Variants in PRKG1 observed in about 807,000 individuals in gnomAD.
PRKG1 encodes protein kinase cGMP-dependent 1.
Under a neutral mutation model 88.1 loss-of-function variants are expected in PRKG1, and 35 were observed. That is an observed-to-expected ratio of 0.40 (90% CI 0.30 to 0.53). The LOEUF (loss-of-function observed/expected upper bound fraction) is 0.53, where lower values mean the gene tolerates loss of function less well. Ranked by LOEUF, PRKG1 falls within the 20% of genes least tolerant of loss-of-function variation. The pLI, the probability that PRKG1 is intolerant of heterozygous loss-of-function variation, is 0.59. For missense variants in PRKG1, 540 were observed against 839.8 expected, an observed-to-expected ratio of 0.64 and a Z score of 4.41; for synonymous variants, 303 against 292.5, an observed-to-expected ratio of 1.04 and a Z score of -0.37.
intron 10 of PRKG1, among the ~76,000 whole-genome samples, chr10:52,266,204 ATT>A (rs1211469619): frequency 6.7e-6 from 1 of 149,792 alleles, no homozygotes; most frequent in Non-Finnish European, 1.5e-5. Flanking sequence ...TATTATTATT[ATT>A]ATTATTGTAA....
At chr10:51,281,671 T>G (rs1397702717) in intron 2 of PRKG1, among the ~76,000 whole-genome samples, 1 of 152,188 alleles carries the variant, frequency 6.6e-6, no homozygotes, top group Non-Finnish European at 1.5e-5. Flanking sequence ...TCTGCAGACT[T>G]AAGTGTCCCT....
chr10:51,488,904 T>G (rs1019477901), intron 3 of PRKG1, among the ~76,000 whole-genome samples: 4 of 152,132 alleles, frequency 2.6e-5, no homozygotes, highest in African/African-American at 9.7e-5. Flanking sequence ...CTACAATCTC[T>G]TGTTTCCATC....
intron 1 of PRKG1, among the ~76,000 whole-genome samples, chr10:51,038,204 T>C (rs1396534527): frequency 6.6e-6 from 1 of 152,248 alleles, no homozygotes; most frequent in Admixed American, 6.5e-5. Context: ...GGATACATAG[T>C]TGGTGTATAA....
At chr10:51,828,213 A>C (rs1200572203) in intron 4 of PRKG1, among the ~76,000 whole-genome samples, 1 of 152,164 alleles carries the variant, frequency 6.6e-6, no homozygotes, top group Non-Finnish European at 1.5e-5. Flanking sequence ...ATAGTTTAGA[A>C]TTTTAGATTG....
chr10:51,782,074 T>G (rs867092307), intron 3 of PRKG1, among the ~76,000 whole-genome samples: 5 of 152,042 alleles, frequency 3.3e-5, no homozygotes, highest in Non-Finnish European at 5.9e-5. Context: ...AGATGAAGAA[T>G]TCTATTAAAT....
intron 3 of PRKG1, among the ~76,000 whole-genome samples, chr10:51,707,626 C>G (rs1476085816): frequency 1.3e-5 from 2 of 151,940 alleles, no homozygotes; most frequent in East Asian, 1.9e-4. Flanking sequence ...AATACAACAC[C>G]TCACTTCAGA....
At chr10:51,866,217 A>G (rs1297021109) in intron 4 of PRKG1, among the ~76,000 whole-genome samples, 1 of 152,070 alleles carries the variant, frequency 6.6e-6, no homozygotes, top group Admixed American at 6.5e-5. Context: ...ATTCATTTAA[A>G]TATGAAGTAA....
intron 7 of PRKG1, among the ~76,000 whole-genome samples, chr10:52,127,295 G>A (rs1388551227): frequency 1.3e-5 from 2 of 152,178 alleles, no homozygotes; most frequent in African/African-American, 2.4e-5. Context: ...TTGAGGTTAG[G>A]AGAAAATGAG....
chr10:51,221,424 A>G (rs1261651805), intron 2 of PRKG1, among the ~76,000 whole-genome samples: 2 of 152,110 alleles, frequency 1.3e-5, no homozygotes, highest in African/African-American at 4.8e-5. Context: ...AATTAAAATG[A>G]TAAGTTTCTA....
rs139311651 is a variant in PRKG1, at chr10:51,469,441, T to C, written c.592+1605T>C. 1.9e-3 allele frequency among the ~76,000 whole-genome samples: 292 copies of C among 151,986 alleles called. 3 individuals carry two copies. The highest frequency in any genetic ancestry group is 3.2e-3 in the Non-Finnish European group (216 of 67,808). On this transcript the variant is annotated intron_variant, in intron 3 of 17. Transcript: ENST00000373980. Reference sequence around the variant, plus strand: ...TTAATCTTATGAAACATGGAATTTTTATTAAAGAAATATTTTAAGTAGTTT... The same window carrying C: ...TTAATCTTATGAAACATGGAATTTTCATTAAAGAAATATTTTAAGTAGTTT...
intron 3 of PRKG1, among the ~76,000 whole-genome samples, chr10:51,690,474 T>C (rs1331233875): frequency 6.6e-6 from 1 of 152,206 alleles, no homozygotes; most frequent in Non-Finnish European, 1.5e-5. Context: ...ACTGTGCCTG[T>C]TATATGAAAG....
At chr10:51,879,670 A>G (rs1483877156) in intron 4 of PRKG1, among the ~76,000 whole-genome samples, 5 of 152,162 alleles carry the variant, frequency 3.3e-5, no homozygotes, top group Non-Finnish European at 7.3e-5. Context: ...CAAAAATCCT[A>G]TGTGTAGATT....
At chr10:52,159,767 AT>A (rs1312487655) in intron 8 of PRKG1, among the ~76,000 whole-genome samples, 2 of 151,782 alleles carry the variant, frequency 1.3e-5, no homozygotes, top group African/African-American at 4.8e-5. Context: ...GGAAGACAGG[AT>A]TTTTTTAAAA....
chr10:52,172,564 A>T (rs755800391), intron 9 of PRKG1, among the ~76,000 whole-genome samples: 2 of 152,158 alleles, frequency 1.3e-5, no homozygotes, highest in African/African-American at 4.8e-5. Flanking sequence ...AGCAGAAAAG[A>T]ATAATACCTT....
intron 16 of PRKG1, among the ~76,000 whole-genome samples, chr10:52,289,314 A>G (rs1479302758): frequency 1.3e-5 from 2 of 152,140 alleles, no homozygotes; most frequent in Non-Finnish European, 2.9e-5. Flanking sequence ...ATTACAAATA[A>G]AAGTCCCCTA....
chr10:51,748,578 T>G (rs1837639021), intron 3 of PRKG1, among the ~76,000 whole-genome samples: 1 of 152,134 alleles, frequency 6.6e-6, no homozygotes, highest in African/African-American at 2.4e-5. Flanking sequence ...TTTCAATAAT[T>G]AAAAAAGAGG....
chr10:51,769,663 T>C (rs1417133919), intron 3 of PRKG1, among the ~76,000 whole-genome samples: 1 of 152,188 alleles, frequency 6.6e-6, no homozygotes, highest in Non-Finnish European at 1.5e-5. Context: ...TTTATGAATT[T>C]CCTATAGCAA....
intron 1 of PRKG1, among the ~76,000 whole-genome samples, chr10:51,003,889 C>A (rs1842914586): frequency 6.6e-6 from 1 of 152,030 alleles, no homozygotes; most frequent in African/African-American, 2.4e-5. Context: ...CAGATCAGTC[C>A]ATATTGGTCT....
At chr10:51,532,253 G>A (rs567868152) in intron 3 of PRKG1, among the ~76,000 whole-genome samples, 1 of 152,252 alleles carries the variant, frequency 6.6e-6, no homozygotes, top group East Asian at 1.9e-4. Flanking sequence ...TTTATAAAGT[G>A]CTAACAAGGC....
Sources: gnomAD v4.1 joint callset for allele counts (sites outside exome capture counted in the v4.1 genomes callset) on GRCh38, gnomAD v4.1.1 for gene constraint, MANE v1.5 for transcripts, NCBI Gene and HGNC (gene_info 2026-07-23, HGNC 2026-07-21) for gene names.